Variants in FCGR2A observed in about 807,000 individuals in gnomAD.
The protein encoded by FCGR2A is low affinity immunoglobulin gamma Fc region receptor II-a.
FCGR2A carries 18 observed loss-of-function variants against 29.3 expected under a neutral mutation model. That is an observed-to-expected ratio of 0.62 (90% CI 0.43 to 0.91). The LOEUF is 0.91. Ranked by LOEUF, FCGR2A falls within the 40% of genes least tolerant of loss-of-function variation. The pLI is 0.00. For synonymous variants in FCGR2A, 126 were observed against 144.8 expected (o/e 0.87, Z 0.93); for missense variants, 287 against 393.0 (o/e 0.73, Z 2.28).
chr1:161,522,683 T>C (rs569811063), downstream of FCGR2A: 1 of 152,274 alleles, frequency 6.6e-6, no homozygotes, highest in South Asian at 2.1e-4. Flanking sequence ...CCTTTTGGAA[T>C]TATGAAATAG....
intron 5 of FCGR2A, among the ~76,000 whole-genome samples, chr1:161,513,686 T>C (rs1349170001): frequency 1.3e-5 from 2 of 152,094 alleles, no homozygotes; most frequent in Admixed American, 6.5e-5. Context: ...CCTCCACCAG[T>C]GTGGCCCATG....
rs1305718681 is a variant in FCGR2A at position 161,519,191 on chromosome 1, A to T, written c.*1043A>T. On this transcript the variant is annotated 3_prime_UTR_variant, in exon 7 of 7. Transcript: ENST00000271450. ...GATGCTGCAGTTCCAAAAGAGAAGG[A>T]CTCTTCCAGAGTCATCTACCTGAGT... 6.5e-6 allele frequency: 1 copy of T among 153,404 alleles called. No homozygotes were observed. Among genetic ancestry groups the T allele is most frequent in the Admixed American group, 6.5e-5 (1 of 15,300 alleles). 9.5% of individuals were successfully genotyped at this position (153,404 alleles called of 1,614,324 possible).
downstream of FCGR2A, among the ~76,000 whole-genome samples, chr1:161,521,116 C>G (rs1303832135): frequency 6.7e-6 from 1 of 149,550 alleles, no homozygotes; most frequent in Non-Finnish European, 1.5e-5. Flanking sequence ...TGTCGCCCTC[C>G]CATACTCTTA....
At chr1:161,523,866 A>ACCCGGGCCT (rs1676563066), downstream of FCGR2A, 2 of 151,922 alleles carry the variant, frequency 1.3e-5, no homozygotes, top group Non-Finnish European at 1.5e-5. Context: ...CGGGAATCGA[A>ACCCGGGCCT]CCCGGGCCTC....
intron 3 of FCGR2A, among the ~76,000 whole-genome samples, chr1:161,506,945 G>A (rs1243069122): frequency 1.3e-5 from 2 of 152,286 alleles, no homozygotes; most frequent in South Asian, 2.1e-4. Context: ...AGAGGTTGGG[G>A]GAAATAGACC....
downstream of FCGR2A, among the ~76,000 whole-genome samples, chr1:161,520,225 G>C (rs1433510042): frequency 6.6e-6 from 1 of 152,082 alleles, no homozygotes; most frequent in Non-Finnish European, 1.5e-5. Flanking sequence ...ATGAAGAAAA[G>C]AGGGTTAATT....
chr1:161,513,101 C>A (rs1051162503), intron 5 of FCGR2A: 11 of 152,034 alleles, frequency 7.2e-5, no homozygotes, highest in African/African-American at 2.7e-4. Context: ...GCAATAAAGG[C>A]TCTCTGTGTT....
Position 161,513,902 on chromosome 1 carries a change from C to T in FCGR2A, c.750C>T (p.Ser250=). Reference sequence around the variant, plus strand: ...TTTTCTTTTTCCCCACAGCCAATTCCACTGATCCTGTGAAGGCTGCCCAAT... The same window carrying T: ...TTTTCTTTTTCCCCACAGCCAATTCTACTGATCCTGTGAAGGCTGCCCAAT... ...YCRKKRISAN[S]TDPVKAAQFE... The change falls in exon 6 of 7, where the codon TCC becomes TCT. Residue 250 remains serine, a synonymous_variant. Coordinates refer to ENST00000271450, the MANE Select transcript of FCGR2A (RefSeq NM_001136219.3). 4.3e-6 allele frequency: 7 copies of T among 1,614,240 alleles called. No homozygotes were observed. Among genetic ancestry groups the T allele is most frequent in the Admixed American group, 1.7e-5 (1 of 60,026 alleles).
chr1:161,506,702 A>C, intron 3 of FCGR2A, 111 bp downstream of exon 3: 1 of 1,541,464 alleles, frequency 6.5e-7, no homozygotes, highest in South Asian at 1.2e-5. Context: ...ACTGGGAAGC[A>C]CTGTTGTGAG....
Position 161,519,721 on chromosome 1 carries a change from C to T in FCGR2A, c.*1573C>T, listed in dbSNP as rs1349447775. 6.6e-6 allele frequency: 1 copy of T among 151,964 alleles called. No homozygotes were observed. The highest frequency in any genetic ancestry group is 1.5e-5 in the Non-Finnish European group (1 of 67,988). 9.4% of individuals were successfully genotyped at this position (151,964 alleles called of 1,614,324 possible). The stretch of plus-strand genomic sequence containing the variant: ...GGAGATTTGGAGTGTAGGGTGAGTG[C>T]CCCTCTTCTTAGAACTGAATACTCT... On this transcript the variant is annotated 3_prime_UTR_variant, in exon 7 of 7. Coordinates refer to ENST00000271450, the MANE Select transcript of FCGR2A (RefSeq NM_001136219.3).
intron 3 of FCGR2A, 60 bp downstream of exon 3, chr1:161,506,651 A>T (rs966737178): frequency 6.8e-6 from 11 of 1,605,878 alleles, no homozygotes; most frequent in African/African-American, 2.7e-5. Flanking sequence ...AAATCTGTTT[A>T]CAGACAGAGG....
chr1:161,512,345 C>T (rs1174666953), intron 5 of FCGR2A, among the ~76,000 whole-genome samples: 1 of 147,206 alleles, frequency 6.8e-6, no homozygotes, highest in Non-Finnish European at 1.5e-5. Context: ...TGAGAAAATT[C>T]TGGGGGGCTA....
rs544545992 is a variant in FCGR2A, at chr1:161,518,547, A to C, written c.*399A>C. 57 of 214,618 alleles carry C rather than the reference A, an allele frequency of 2.7e-4. No homozygotes were observed. Among genetic ancestry groups the C allele is most frequent in the Admixed American group, 6.7e-4 (13 of 19,272 alleles). 13.3% of individuals were successfully genotyped at this position (214,618 alleles called of 1,614,324 possible). ...TTGCTTCCACATTTTCCCAATAAAT[A>C]CTTGCCTGTGACATTTTGCCACTGG... On this transcript the variant is annotated 3_prime_UTR_variant, in exon 7 of 7. Coordinates refer to ENST00000271450, the MANE Select transcript of FCGR2A (RefSeq NM_001136219.3).
chr1:161,505,574 A>G, intron 1 of FCGR2A, 22 bp downstream of exon 1: 1 of 1,596,024 alleles, frequency 6.3e-7, no homozygotes, highest in Non-Finnish European at 8.6e-7. Flanking sequence ...TCATTCTGAA[A>G]TGGGGCAATT....
rs1676265882 is a variant in FCGR2A, at chr1:161,518,266, A to C, written c.*118A>C. 2 of 1,501,526 alleles carry C rather than the reference A, an allele frequency of 1.3e-6. No individual in the cohort carries two copies. The highest frequency in any genetic ancestry group is 2.3e-5 in the East Asian group (1 of 43,446). The allele number at this position is 1,501,526 out of a possible 1,614,324, so 93.0% of individuals were successfully genotyped here. On this transcript the variant is annotated 3_prime_UTR_variant, in exon 7 of 7. Coordinates refer to ENST00000271450, the MANE Select transcript of FCGR2A (RefSeq NM_001136219.3). ...GGAAAAATCCTGAGCAAACAAAACC[A>C]CCTGGCCCTTAGAAATAGCTTTAAC... is the stretch of plus-strand genomic sequence containing the variant.
chr1:161,511,663 G>T (rs528338059), intron 5 of FCGR2A, among the ~76,000 whole-genome samples: 302 of 152,190 alleles, frequency 2.0e-3, no homozygotes, highest in African/African-American at 6.2e-3. Flanking sequence ...TCTGCCAGAG[G>T]GAAGGCCTGA....
chr1:161,509,771 C>A, intron 3 of FCGR2A, 49 bp from the exon 4 acceptor site: 2 of 1,609,536 alleles, frequency 1.2e-6, no homozygotes, highest in Non-Finnish European at 8.5e-7. Context: ...CTGAAAAACC[C>A]TTGGAATCTA....
chr1:161,515,893 A>G (rs1472715494), intron 6 of FCGR2A, among the ~76,000 whole-genome samples: 1 of 152,210 alleles, frequency 6.6e-6, no homozygotes, highest in Non-Finnish European at 1.5e-5. Context: ...ATATTATTCT[A>G]CCTCCAGATG....
At chr1:161,511,948 T>C (rs1191423820) in intron 5 of FCGR2A, among the ~76,000 whole-genome samples, 6 of 152,162 alleles carry the variant, frequency 3.9e-5, no homozygotes, top group Non-Finnish European at 7.4e-5. Context: ...GATGGGGGGA[T>C]GGCCAGGGCT....
Sources: gnomAD v4.1 joint callset for allele counts (sites outside exome capture counted in the v4.1 genomes callset) on GRCh38, gnomAD v4.1.1 for gene constraint, MANE v1.5 for transcripts, NCBI Gene and HGNC (gene_info 2026-07-23, HGNC 2026-07-21) for gene names.